Variants in FGF14 observed in about 807,000 individuals in gnomAD.
FGF14 encodes fibroblast growth factor homologous factor 4.
A neutral mutation model predicts 25.5 loss-of-function variants in FGF14; 5 were observed. That is an observed-to-expected ratio of 0.20 (90% CI 0.10 to 0.41). FGF14 has a LOEUF of 0.41. FGF14 is among the 10% of genes least tolerant of loss of function. The pLI is 1.00. For synonymous variants in FGF14, 138 were observed against 118.3 expected (o/e 1.17, Z -1.08); for missense variants, 222 against 320.1 (o/e 0.69, Z 2.34).
At chr13:102,362,511 A>G (rs1400634878) in intron 1 of FGF14, among the ~76,000 whole-genome samples, 3 of 152,196 alleles carry the variant, frequency 2.0e-5, no homozygotes, top group Non-Finnish European at 4.4e-5. Context: ...AGCAGAGGAG[A>G]TGGAAACTTT....
At chr13:102,235,817 G>A (rs1477769979) in intron 1 of FGF14, among the ~76,000 whole-genome samples, 1 of 152,146 alleles carries the variant, frequency 6.6e-6, no homozygotes, top group Admixed American at 6.5e-5. Context: ...GACCTGCTGG[G>A]CTGCATTCCC....
intron 1 of FGF14, among the ~76,000 whole-genome samples, chr13:102,062,363 GAAAAA>G (rs911828073): frequency 6.6e-6 from 1 of 151,486 alleles, no homozygotes; most frequent in Non-Finnish European, 1.5e-5. Flanking sequence ...AAAACAAAAA[GAAAAA>G]AATAAAATAA....
intron 3 of FGF14, among the ~76,000 whole-genome samples, chr13:101,851,807 C>T (rs141306410): frequency 9.2e-4 from 140 of 152,136 alleles, no homozygotes; most frequent in African/African-American, 3.3e-3. Context: ...CCAAAGAAAA[C>T]CAAGGCATTT....
chr13:101,715,966 G>A lies in FGF14; in HGVS notation c.*6865C>T. ...TTGATTGTCACACTGGGTCGGGTAG[G>A]AAGGTATGCTGCAGACATTTGGTGG... On this transcript the variant is annotated 3_prime_UTR_variant, in exon 5 of 5. Coordinates refer to ENST00000376143, the MANE Select transcript of FGF14 (RefSeq NM_004115.4). The A allele has an allele frequency of 3.3e-6, 1 of 306,044 alleles. No individual in the cohort carries two copies. The highest frequency in any genetic ancestry group is 3.4e-5 in the South Asian group (1 of 29,628). The allele number at this position is 306,044 out of a possible 1,614,324, so 19.0% of individuals were successfully genotyped here.
At chr13:101,765,015 A>T (rs2038289472) in intron 3 of FGF14, among the ~76,000 whole-genome samples, 1 of 152,190 alleles carries the variant, frequency 6.6e-6, no homozygotes, top group Non-Finnish European at 1.5e-5. Context: ...CTTTATGCAC[A>T]CAATAGATCA....
intron 1 of FGF14, among the ~76,000 whole-genome samples, chr13:101,960,500 T>C (rs955557981): frequency 3.3e-5 from 5 of 152,334 alleles, no homozygotes; most frequent in South Asian, 4.1e-4. Flanking sequence ...GCTCCATCCA[T>C]GTCCCTGCAA....
At chr13:102,009,792 TA>T (rs1308586771) in intron 1 of FGF14, among the ~76,000 whole-genome samples, 1 of 152,126 alleles carries the variant, frequency 6.6e-6, no homozygotes, top group Non-Finnish European at 1.5e-5. Flanking sequence ...CCAAAGGAAA[TA>T]ATCTAAAGAA....
At chr13:102,182,557 T>G (rs931825480) in intron 1 of FGF14, among the ~76,000 whole-genome samples, 1 of 152,142 alleles carries the variant, frequency 6.6e-6, no homozygotes, top group African/African-American at 2.4e-5. Flanking sequence ...TTTAATTTTG[T>G]TGAACTTTGT....
chr13:101,880,162 C>G (rs1247495861), intron 1 of FGF14, among the ~76,000 whole-genome samples: 2 of 152,170 alleles, frequency 1.3e-5, no homozygotes, highest in African/African-American at 4.8e-5. Flanking sequence ...TTCCAATGTA[C>G]TATTATGTGT....
At chr13:101,967,334 A>G (rs1252394833) in intron 1 of FGF14, among the ~76,000 whole-genome samples, 1 of 152,160 alleles carries the variant, frequency 6.6e-6, no homozygotes, top group African/African-American at 2.4e-5. Context: ...TAAGAGAACC[A>G]CTGTCCTATG....
At chr13:102,380,655 T>C (rs959684782) in intron 1 of FGF14, among the ~76,000 whole-genome samples, 6 of 152,206 alleles carry the variant, frequency 3.9e-5, no homozygotes, top group Non-Finnish European at 7.4e-5. Context: ...GTTTACGTTT[T>C]GCAAGAGACA....
At chr13:102,103,673 A>G (rs1426824238) in intron 1 of FGF14, among the ~76,000 whole-genome samples, 1 of 152,198 alleles carries the variant, frequency 6.6e-6, no homozygotes, top group African/African-American at 2.4e-5. Flanking sequence ...TGTGCATTTT[A>G]ACAAGGTCTC....
At chr13:101,887,150 T>C (rs989133410) in intron 1 of FGF14, among the ~76,000 whole-genome samples, 6 of 151,324 alleles carry the variant, frequency 4.0e-5, no homozygotes, top group Admixed American at 4.0e-4. Context: ...TCTCAAAAAA[T>C]AAAAAAGGGA....
chr13:102,087,871 A>C lies in FGF14; in HGVS notation c.209-212575T>G, dbSNP rs576876898. Reference sequence around the variant, plus strand: ...TACATTTCAACTCATTTAATACAACAACCATCTTACAGTTAGGAAATGAAA... The same window carrying C: ...TACATTTCAACTCATTTAATACAACCACCATCTTACAGTTAGGAAATGAAA... On this transcript the variant is annotated intron_variant, in intron 1 of 4. Coordinates refer to the FGF14 transcript ENST00000376131. 1.2e-4 allele frequency among the ~76,000 whole-genome samples: 18 copies of C among 145,506 alleles called. 1 individual carries two copies. The South Asian group carries it at 3.7e-3, about 30-fold the overall frequency.
rs1320397850 is a variant in FGF14 at position 101,868,645 on chromosome 13, G to C, written c.408+80C>G. 4.3e-6 allele frequency: 4 copies of C among 924,832 alleles called. No homozygotes were observed. The Admixed American group carries it at 5.1e-5, about 12-fold the overall frequency. The allele number at this position is 924,832 out of a possible 1,614,324, so 57.3% of individuals were successfully genotyped here. On this transcript the variant is annotated intron_variant, in intron 3 of 4. Transcript: ENST00000376143. The stretch of plus-strand genomic sequence containing the variant: ...AAAACTGGCAGAAACAACAGACATA[G>C]AACTTTCTTTTTGTTGTTGCTGCCA...
At chr13:101,995,183 T>C (rs1384538403) in intron 1 of FGF14, among the ~76,000 whole-genome samples, 1 of 152,136 alleles carries the variant, frequency 6.6e-6, no homozygotes, top group Non-Finnish European at 1.5e-5. Context: ...CTAAAATTCA[T>C]TGAAAGTCTC....
At chr13:101,736,421 A>G (rs998172329) in intron 3 of FGF14, among the ~76,000 whole-genome samples, 2 of 152,206 alleles carry the variant, frequency 1.3e-5, no homozygotes, top group African/African-American at 2.4e-5. Flanking sequence ...CTTCTATAGA[A>G]ATTTAACAGA....
At chr13:102,097,488 C>T (rs1252066160) in intron 1 of FGF14, among the ~76,000 whole-genome samples, 1 of 152,142 alleles carries the variant, frequency 6.6e-6, no homozygotes, top group Non-Finnish European at 1.5e-5. Context: ...ATCACCTTCC[C>T]TTTTAACAGG....
chr13:102,152,946 C>T (rs2047152814), intron 1 of FGF14, among the ~76,000 whole-genome samples: 2 of 152,252 alleles, frequency 1.3e-5, no homozygotes, highest in South Asian at 4.1e-4. Context: ...TTCTATGTGA[C>T]TTCATTCTCC....
Sources: allele counts gnomAD v4.1 joint callset (sites outside exome capture counted in the v4.1 genomes callset), GRCh38; gene constraint gnomAD v4.1.1; transcripts MANE v1.5; gene names NCBI Gene and HGNC (gene_info 2026-07-23, HGNC 2026-07-21).